Variants in LMBR1 observed in about 807,000 individuals in gnomAD.
LMBR1 encodes the protein limb region 1 protein homolog.
Under a neutral mutation model 73.9 loss-of-function variants are expected in LMBR1, and 52 were observed. The ratio of observed to expected loss-of-function variants is 0.70; its 90% CI spans 0.56 to 0.89. The LOEUF (loss-of-function observed/expected upper bound fraction) is 0.89. Among genes scored for constraint, LMBR1 ranks in the 40% least tolerant of loss-of-function variants. The pLI, the probability that LMBR1 is intolerant of heterozygous loss-of-function variation, is 0.00. For missense variants in LMBR1, 539 were observed against 579.8 expected, an observed-to-expected ratio of 0.93 and a Z score of 0.72; for synonymous variants, 215 against 209.4, an observed-to-expected ratio of 1.03 and a Z score of -0.23.
Position 156,877,831 on chromosome 7 carries a change from A to G in LMBR1, c.66+15097T>C, listed in dbSNP as rs953563147. 3.3e-5 allele frequency among the ~76,000 whole-genome samples: 5 copies of G among 151,504 alleles called. No individual in the cohort carries two copies. In the East Asian group the frequency reaches 7.8e-4, roughly 24 times the overall value. ...CCGGGAGGCGGAGCTTGCAGTGAGC[A>G]GAGATCGCGCCACTGCACTCCAGCC... On this transcript the variant is annotated intron_variant, in intron 1 of 16. Coordinates refer to ENST00000353442, the MANE Select transcript of LMBR1 (RefSeq NM_022458.4).
intron 4 of LMBR1, among the ~76,000 whole-genome samples, chr7:156,802,202 T>C (rs1831126912): frequency 6.6e-6 from 1 of 152,168 alleles, no homozygotes; most frequent in African/African-American, 2.4e-5. Flanking sequence ...GGGCTGCTCT[T>C]GAACCCCTGA....
In LMBR1 at chr7:156,792,443, A is replaced by G. The variant is rs78347935; in HGVS notation, c.423+3946T>C. Among the ~76,000 whole-genome samples, 6,043 of 152,328 alleles carry G rather than the reference A, an allele frequency of 0.04. 156 individuals carry two copies. The highest frequency in any genetic ancestry group is 0.051 in the Non-Finnish European group (3,489 of 68,018). ...TTTGGTAAACATTTAACTGCTAATA[A>G]TAAGTCTAAATTCCAAGATAAAAGT... On this transcript the variant is annotated intron_variant, in intron 5 of 16. Coordinates refer to ENST00000353442, the MANE Select transcript of LMBR1 (RefSeq NM_022458.4).
intron 15 of LMBR1, among the ~76,000 whole-genome samples, chr7:156,706,761 T>C (rs932573380): frequency 6.6e-6 from 1 of 151,606 alleles, no homozygotes; most frequent in African/African-American, 2.4e-5. Context: ...TGACATCAAG[T>C]GACTACATGA....
At chr7:156,885,577 A>C (rs1255996556) in intron 1 of LMBR1, among the ~76,000 whole-genome samples, 1 of 151,538 alleles carries the variant, frequency 6.6e-6, no homozygotes, top group Non-Finnish European at 1.5e-5. Context: ...CACGGAAATA[A>C]CCCGTCCATA....
intron 1 of LMBR1, among the ~76,000 whole-genome samples, chr7:156,841,828 T>C (rs1838751786): frequency 6.6e-6 from 1 of 152,012 alleles, no homozygotes; most frequent in Non-Finnish European, 1.5e-5. Context: ...AGTTTGATTA[T>C]AAAGAGGAGC....
chr7:156,869,742 G>A (rs757402873), intron 1 of LMBR1, among the ~76,000 whole-genome samples: 3 of 152,148 alleles, frequency 2.0e-5, no homozygotes, highest in Admixed American at 6.5e-5. Context: ...CCAACTATAT[G>A]CTATTACAAG....
At chr7:156,777,524 T>C (rs537588315) in intron 5 of LMBR1, among the ~76,000 whole-genome samples, 46 of 152,334 alleles carry the variant, frequency 3.0e-4, no homozygotes, top group African/African-American at 1.0e-3. Context: ...GCATCATAAT[T>C]ACCAAGGGGC....
chr7:156,794,696 TG>T (rs1320346463), intron 5 of LMBR1, among the ~76,000 whole-genome samples: 2 of 152,356 alleles, frequency 1.3e-5, no homozygotes, highest in East Asian at 3.9e-4. Flanking sequence ...CTTTATCATT[TG>T]TTTTTTGTAT....
chr7:156,680,874 T>C lies in LMBR1; in HGVS notation c.*3204A>G, dbSNP rs928221614. The C allele has an allele frequency of 4.2e-6, 1 of 236,980 alleles. No homozygotes were observed. Among genetic ancestry groups the C allele is most frequent in the African/African-American group, 2.4e-5 (1 of 42,074 alleles). 14.7% of individuals were successfully genotyped at this position (236,980 alleles called of 1,614,324 possible). Reference sequence around the variant, plus strand: ...CACATATAAATGCTTATAAACCAAATATGAAATCACTTTTTGTACAACTTT... The same window carrying C: ...CACATATAAATGCTTATAAACCAAACATGAAATCACTTTTTGTACAACTTT... On this transcript the variant is annotated 3_prime_UTR_variant, in exon 17 of 17. Transcript: ENST00000353442.
At position 156,671,419 on chromosome 7, in the gene LMBR1, A is replaced by G. The variant is rs563098057; in HGVS notation, n.867-2132T>C. Among the ~76,000 whole-genome samples the G allele has an allele frequency of 1.8e-4, 28 of 152,304 alleles. 1 individual carries two copies. The East Asian group carries it at 5.2e-3, about 28-fold the overall frequency. ...AGGCTGATGTGCTGATACCTGACGAAAGAGATTCTAAAGCAAAGGCATCAT... is the reference window on the plus strand; with the variant it reads ...AGGCTGATGTGCTGATACCTGACGAGAGAGATTCTAAAGCAAAGGCATCAT... On this transcript the variant is annotated intron_variant and non_coding_transcript_variant, in intron 4 of 4. Transcript: ENST00000430825.
chr7:156,808,151 T>C (rs756445698), intron 4 of LMBR1, among the ~76,000 whole-genome samples: 48 of 152,322 alleles, frequency 3.2e-4, no homozygotes, highest in Non-Finnish European at 6.5e-4. Flanking sequence ...ATTCAAATCT[T>C]CTATATCGTG....
chr7:156,826,523 C>A, intron 4 of LMBR1, 82 bp downstream of exon 4: 1 of 1,004,660 alleles, frequency 1.0e-6, no homozygotes, highest in Non-Finnish European at 1.3e-6. Flanking sequence ...ATGAAGAAAA[C>A]TGAGAAAAGA....
chr7:156,679,167 T>C lies in LMBR1; in HGVS notation c.*4911A>G, dbSNP rs1804586450. The stretch of plus-strand genomic sequence containing the variant: ...TCAGTGGCGTTCCTTGTCGGTAAAA[T>C]GCAGATGTGTATTTTCGGCTTCGCA... On this transcript the variant is annotated 3_prime_UTR_variant, in exon 17 of 17. Transcript: ENST00000353442. The C allele has an allele frequency of 6.6e-6, 1 of 152,206 alleles. No homozygotes were observed. The highest frequency in any genetic ancestry group is 6.5e-5 in the Admixed American group (1 of 15,286). 9.4% of individuals were successfully genotyped at this position (152,206 alleles called of 1,614,324 possible).
chr7:156,726,797 A>C (rs556921368), intron 12 of LMBR1, among the ~76,000 whole-genome samples: 3 of 152,312 alleles, frequency 2.0e-5, no homozygotes, highest in African/African-American at 7.2e-5. Flanking sequence ...GAAGCAGGCC[A>C]TAAGACCCCC....
In LMBR1 at chr7:156,863,024, T is replaced by C. The variant is rs1797946901; in HGVS notation, c.67-26139A>G. 2.6e-5 allele frequency among the ~76,000 whole-genome samples: 4 copies of C among 152,302 alleles called. No individual in the cohort carries two copies. The South Asian group carries it at 8.3e-4, about 32-fold the overall frequency. ...TATAATAAATCTTTCTGTATATATG[T>C]ACAAATCCCATTGGCTCAATTTCTG... is the stretch of plus-strand genomic sequence containing the variant. On this transcript the variant is annotated intron_variant, in intron 1 of 16. Coordinates refer to ENST00000353442, the MANE Select transcript of LMBR1 (RefSeq NM_022458.4).
intron 15 of LMBR1, among the ~76,000 whole-genome samples, chr7:156,691,475 G>A (rs1287109464): frequency 6.6e-6 from 1 of 152,048 alleles, no homozygotes; most frequent in Non-Finnish European, 1.5e-5. Flanking sequence ...ATTTAAGAAA[G>A]GGCTGGTTTC....
At chr7:156,712,094 G>A (rs1303780533) in intron 15 of LMBR1, among the ~76,000 whole-genome samples, 1 of 152,128 alleles carries the variant, frequency 6.6e-6, no homozygotes, top group African/African-American at 2.4e-5. Context: ...TGCAAATGAT[G>A]CATCCAACAG....
chr7:156,759,872 T>C (rs1822641312), intron 8 of LMBR1, among the ~76,000 whole-genome samples: 2 of 152,170 alleles, frequency 1.3e-5, no homozygotes, highest in Non-Finnish European at 2.9e-5. Flanking sequence ...CGTTCCCCTA[T>C]TGACAATGGT....
downstream of LMBR1, chr7:156,676,977 C>T: frequency 4.0e-6 from 1 of 252,362 alleles, no homozygotes; most frequent in Non-Finnish European, 7.7e-6. Flanking sequence ...AAGTAAGTTC[C>T]AAATGTAAAA....
Sources: gnomAD v4.1 joint callset for allele counts (sites outside exome capture counted in the v4.1 genomes callset) on GRCh38, gnomAD v4.1.1 for gene constraint, MANE v1.5 for transcripts, NCBI Gene and HGNC (gene_info 2026-07-23, HGNC 2026-07-21) for gene names.